Variants in AGAP1 observed in about 807,000 individuals in gnomAD.
The protein encoded by AGAP1 is ArfGAP with GTPase domain, ankyrin repeat and PH domain 1.
AGAP1 carries 29 observed loss-of-function variants against 105.3 expected under a neutral mutation model. The ratio of observed to expected loss-of-function variants is 0.28; its 90% CI spans 0.21 to 0.38. AGAP1 has a LOEUF of 0.38. Among genes scored for constraint, AGAP1 ranks in the 10% least tolerant of loss-of-function variants. The pLI, the probability that AGAP1 is intolerant of heterozygous loss-of-function variation, is 1.00. For synonymous variants in AGAP1, 509 were observed against 485.9 expected (o/e 1.05, Z -0.63); for missense variants, 998 against 1,165.1 (o/e 0.86, Z 2.09).
intron 11 of AGAP1, among the ~76,000 whole-genome samples, chr2:235,922,545 C>T (rs879468489): frequency 6.6e-6 from 1 of 152,062 alleles, no homozygotes; most frequent in Non-Finnish European, 1.5e-5. Context: ...AGGGAATGAA[C>T]TTTTGTATTT....
intron 16 of AGAP1, among the ~76,000 whole-genome samples, chr2:236,052,502 C>T (rs1318437384): frequency 6.6e-6 from 1 of 152,188 alleles, no homozygotes; most frequent in African/African-American, 2.4e-5. Context: ...CTTCGGACGG[C>T]TTATAATTGG....
At chr2:235,513,349 C>T (rs1485300764) in intron 1 of AGAP1, among the ~76,000 whole-genome samples, 1 of 151,754 alleles carries the variant, frequency 6.6e-6, no homozygotes, top group Non-Finnish European at 1.5e-5. Flanking sequence ...GGTGAAACCC[C>T]GTCTCTACTA....
rs1456315144 is a variant in AGAP1, at chr2:235,957,309, A to T, written c.1484-11153A>T. ...GGGCGTAATTGAAAATGGCCCAAGT[A>T]GGCAATTCTTCTCTCCTGTGTGTTC... On this transcript the variant is annotated intron_variant, in intron 12 of 17. Coordinates refer to ENST00000304032, the MANE Select transcript of AGAP1 (RefSeq NM_001037131.3). This position sits in a 1 kb window ranked among gnomAD's most constrained non-coding sequence, Gnocchi z 4.6. Among the ~76,000 whole-genome samples the T allele has an allele frequency of 6.6e-6, 1 of 152,208 alleles. No individual in the cohort carries two copies. The highest frequency in any genetic ancestry group is 2.4e-5 in the African/African-American group (1 of 41,448).
At chr2:235,674,432 C>T (rs915105757) in intron 1 of AGAP1, among the ~76,000 whole-genome samples, 10 of 152,214 alleles carry the variant, frequency 6.6e-5, no homozygotes, top group African/African-American at 1.9e-4. Context: ...CCGTCTGGGC[C>T]GGCCCTGGAA....
intron 1 of AGAP1, among the ~76,000 whole-genome samples, chr2:235,499,620 T>C (rs7599006): frequency 0.022 from 3,405 of 152,272 alleles, 110 homozygotes; most frequent in African/African-American, 0.069. Flanking sequence ...TTACTCATGC[T>C]TCTCAGTTGT....
chr2:236,035,300 T>G lies in AGAP1; in HGVS notation c.1646-1261T>G, dbSNP rs188057936. Among the ~76,000 whole-genome samples the G allele has an allele frequency of 6.6e-6, 1 of 152,254 alleles. No individual in the cohort carries two copies. The highest frequency in any genetic ancestry group is 1.9e-4 in the East Asian group (1 of 5,170). On this transcript the variant is annotated intron_variant, in intron 13 of 17. Coordinates refer to ENST00000304032, the MANE Select transcript of AGAP1 (RefSeq NM_001037131.3). This position sits in a 1 kb window ranked among gnomAD's most constrained non-coding sequence, Gnocchi z 4.2. ...TTCACAGGCCAGGGCCCGGAAACATTGAGTCAAATGAGATGTTGTGTCTGA... is the reference window on the plus strand; with the variant it reads ...TTCACAGGCCAGGGCCCGGAAACATGGAGTCAAATGAGATGTTGTGTCTGA...
At position 235,728,533 on chromosome 2, in the gene AGAP1, T is replaced by G. The variant is rs753910463; in HGVS notation, c.310+10889T>G. ...GAACGCACAGTGTTCAGGAGGATTCTGAGGCAGGGTCTGTGTGCAGGAGGA... is the reference window on the plus strand; with the variant it reads ...GAACGCACAGTGTTCAGGAGGATTCGGAGGCAGGGTCTGTGTGCAGGAGGA... On this transcript the variant is annotated intron_variant, in intron 3 of 17. Transcript: ENST00000304032. This position sits in a 1 kb window ranked among gnomAD's most constrained non-coding sequence, Gnocchi z 4.3. 2.0e-5 allele frequency among the ~76,000 whole-genome samples: 3 copies of G among 152,170 alleles called. No homozygotes were observed. The highest frequency in any genetic ancestry group is 4.4e-5 in the Non-Finnish European group (3 of 68,036).
Position 235,552,430 on chromosome 2 carries a change from T to C in AGAP1, c.163+57581T>C, listed in dbSNP as rs1943843900. 6.6e-6 allele frequency among the ~76,000 whole-genome samples: 1 copy of C among 152,168 alleles called. No individual in the cohort carries two copies. The highest frequency in any genetic ancestry group is 6.5e-5 in the Admixed American group (1 of 15,280). ...ATTGTTGGAGGTCAGGAAGACCAACTAAGTCAAGTAGAGCCATTGGCTGCT... is the reference window on the plus strand; with the variant it reads ...ATTGTTGGAGGTCAGGAAGACCAACCAAGTCAAGTAGAGCCATTGGCTGCT... On this transcript the variant is annotated intron_variant, in intron 1 of 17. Coordinates refer to ENST00000304032, the MANE Select transcript of AGAP1 (RefSeq NM_001037131.3). The surrounding 1 kb of genome is among the most constrained non-coding windows in gnomAD (Gnocchi z 5.9).
At position 235,951,920 on chromosome 2, in the gene AGAP1, T is replaced by TCTA. The variant is rs533118122; in HGVS notation, c.1484-16539_1484-16537dup. 8.8e-5 allele frequency among the ~76,000 whole-genome samples: 13 copies of TCTA among 147,328 alleles called. No homozygotes were observed. Among genetic ancestry groups the TCTA allele is most frequent in the Non-Finnish European group, 1.3e-4 (9 of 68,016 alleles). ...GGTGGAAACAAATGGTCCACCCTGA[T>TCTA]CTACTCATTTACCATCTGGTTTGGG... On this transcript the variant is annotated intron_variant, in intron 12 of 17. Coordinates refer to ENST00000304032, the MANE Select transcript of AGAP1 (RefSeq NM_001037131.3). The surrounding 1 kb of genome is among the most constrained non-coding windows in gnomAD (Gnocchi z 4.2).
chr2:235,930,145 C>T lies in AGAP1; in HGVS notation c.1325-620C>T, dbSNP rs1401284232. Among the ~76,000 whole-genome samples, 1 of 152,134 alleles carries T rather than the reference C, an allele frequency of 6.6e-6. No homozygotes were observed. The highest frequency in any genetic ancestry group is 1.5e-5 in the Non-Finnish European group (1 of 68,004). ...TTAAGTATACAATGGAATCATTTTT[C>T]ATCACAGCCCCTGTGCTCTATGAAG... On this transcript the variant is annotated intron_variant, in intron 11 of 17. Coordinates refer to ENST00000304032, the MANE Select transcript of AGAP1 (RefSeq NM_001037131.3). This position sits in a 1 kb window ranked among gnomAD's most constrained non-coding sequence, Gnocchi z 7.9.
rs1946837287 is a variant in AGAP1 at position 235,631,774 on chromosome 2, A to G, written c.164-77405A>G. On this transcript the variant is annotated intron_variant, in intron 1 of 17. Transcript: ENST00000304032. The surrounding 1 kb of genome is among the most constrained non-coding windows in gnomAD (Gnocchi z 5.4). ...GCTGCCTGTGGCAGGTGGCGGTGCT[A>G]ATTAAGTTCCGGCTGTTGTGACGGT... is the stretch of plus-strand genomic sequence containing the variant. Among the ~76,000 whole-genome samples the G allele has an allele frequency of 6.6e-6, 1 of 152,194 alleles. No homozygotes were observed. The highest frequency in any genetic ancestry group is 1.5e-5 in the Non-Finnish European group (1 of 68,034).
At position 236,040,134 on chromosome 2, in the gene AGAP1, TAAATAA is replaced by T. The variant is rs1169503243; in HGVS notation, c.1801-609_1801-604del. Reference sequence around the variant, plus strand: ...TCAAAAAATAATAATAATAAATAAATAAATAAAAATAAAGCAAGCCATCAAGTGTAA... The same window carrying T: ...TCAAAAAATAATAATAATAAATAAATAAATAAAGCAAGCCATCAAGTGTAA... On this transcript the variant is annotated intron_variant, in intron 14 of 17. Transcript: ENST00000304032. This position sits in a 1 kb window ranked among gnomAD's most constrained non-coding sequence, Gnocchi z 5.6. Among the ~76,000 whole-genome samples the T allele has an allele frequency of 6.6e-6, 1 of 151,874 alleles. No individual in the cohort carries two copies. The highest frequency in any genetic ancestry group is 1.9e-4 in the East Asian group (1 of 5,166).
chr2:235,762,320 T>C (rs1019949623), intron 6 of AGAP1, among the ~76,000 whole-genome samples: 17 of 152,098 alleles, frequency 1.1e-4, no homozygotes, highest in African/African-American at 3.9e-4. Context: ...TCATGGACTT[T>C]GATATTTTTT....
intron 3 of AGAP1, among the ~76,000 whole-genome samples, chr2:235,718,594 C>G (rs1252191087): frequency 6.6e-6 from 1 of 152,210 alleles, no homozygotes; most frequent in African/African-American, 2.4e-5. Context: ...AGCAGCTTCA[C>G]CTGTTCCCTG....
At chr2:235,837,245 A>G (rs1960277091) in intron 9 of AGAP1, among the ~76,000 whole-genome samples, 1 of 152,198 alleles carries the variant, frequency 6.6e-6, no homozygotes, top group Non-Finnish European at 1.5e-5. Flanking sequence ...TCGGCCTCCC[A>G]AAGTGCTGGG....
chr2:235,670,333 C>T (rs1223998635), intron 1 of AGAP1: 17 of 485,806 alleles, frequency 3.5e-5, no homozygotes, highest in Non-Finnish European at 5.1e-5. Context: ...AGGCGGAGGG[C>T]GCCGAGGAAC....
chr2:235,514,136 G>T (rs899961143), intron 1 of AGAP1, among the ~76,000 whole-genome samples: 7 of 148,362 alleles, frequency 4.7e-5, no homozygotes, highest in African/African-American at 1.5e-4. Context: ...ACCTTGGTGT[G>T]TGCCAGTGCA....
At chr2:235,844,985 A>G (rs890589160) in intron 9 of AGAP1, among the ~76,000 whole-genome samples, 7 of 152,108 alleles carry the variant, frequency 4.6e-5, no homozygotes, top group Non-Finnish European at 1.0e-4. Context: ...TTTTTGTATG[A>G]GCAGCAATTA....
chr2:235,564,019 A>T (rs532468647), intron 1 of AGAP1, among the ~76,000 whole-genome samples: 2 of 152,236 alleles, frequency 1.3e-5, no homozygotes, highest in East Asian at 3.9e-4. Context: ...GGGAGAGTGC[A>T]TGTGTCATGG....
Sources: gnomAD v4.1 joint callset for allele counts (sites outside exome capture counted in the v4.1 genomes callset) on GRCh38, gnomAD v4.1.1 for gene constraint, Gnocchi (gnomAD v3.1) non-coding constraint, MANE v1.5 for transcripts, NCBI Gene and HGNC (gene_info 2026-07-23, HGNC 2026-07-21) for gene names.